ABCB5: variants seen among roughly 807,000 people sequenced by gnomAD.
The protein encoded by ABCB5 is ATP-binding cassette sub-family B member 5.
In ABCB5, 155 loss-of-function variants were observed where a neutral mutation model predicts 144.2. The observed-to-expected ratio is 1.08, with a 90% CI of 0.94 to 1.23. The LOEUF is 1.23. ABCB5 is among the 50% of genes most tolerant of loss of function. The probability of loss-of-function intolerance (pLI) is 0.00; values close to 1 mark genes in which losing one functional copy is unlikely to be tolerated. For missense variants in ABCB5, 1,830 were observed against 1,520.8 expected, an observed-to-expected ratio of 1.20 and a Z score of -3.38; for synonymous variants, 610 against 528.6, an observed-to-expected ratio of 1.15 and a Z score of -2.11.
intron 20 of ABCB5, among the ~76,000 whole-genome samples, chr7:20,716,272 A>G (rs1781672280): frequency 6.6e-6 from 1 of 151,836 alleles, no homozygotes; most frequent in African/African-American, 2.4e-5. Context: ...CAAGGTCTAC[A>G]AAACATAACC....
intron 13 of ABCB5, among the ~76,000 whole-genome samples, chr7:20,655,432 C>T (rs1397252517): frequency 6.6e-6 from 1 of 152,110 alleles, no homozygotes; most frequent in Non-Finnish European, 1.5e-5. Context: ...GAGATAGCAC[C>T]ACTGCACTCC....
intron 5 of ABCB5, 25 bp downstream of exon 5, chr7:20,632,138 T>C: frequency 2.8e-6 from 4 of 1,440,164 alleles, no homozygotes; most frequent in Non-Finnish European, 3.7e-6. Flanking sequence ...AACGTTAATA[T>C]CACATTCGTT....
intron 14 of ABCB5, among the ~76,000 whole-genome samples, chr7:20,681,088 CTTTCTTTCTTTCTTTCTTTCTTTCTTT>C (rs200477755): frequency 0.16 from 3,100 of 19,728 alleles, 347 homozygotes; most frequent in East Asian, 0.32. Context: ...TTCTTTCTTT[CTTTCTTTCTTTCTTTCTTTCTTTCTTT>C]CTTTCTTTCT....
chr7:20,658,040 T>C (rs919350344), intron 13 of ABCB5, among the ~76,000 whole-genome samples: 2 of 152,126 alleles, frequency 1.3e-5, no homozygotes, highest in African/African-American at 2.4e-5. Flanking sequence ...AAAAAACGTT[T>C]TAGGGGAAAG....
chr7:20,702,728 C>G (rs1262575760), intron 19 of ABCB5, among the ~76,000 whole-genome samples: 1 of 143,074 alleles, frequency 7.0e-6, no homozygotes, highest in Non-Finnish European at 1.5e-5. Flanking sequence ...ATGGCGTGAT[C>G]TCGGCTCACT....
At chr7:20,658,800 A>T (rs899204856) in intron 14 of ABCB5, 124 bp downstream of exon 14, 2 of 1,199,648 alleles carry the variant, frequency 1.7e-6, no homozygotes, top group African/African-American at 1.5e-5. Flanking sequence ...TAAAGGCAGG[A>T]TGTTAATCCA....
At chr7:20,712,384 G>A (rs77036336) in intron 20 of ABCB5, among the ~76,000 whole-genome samples, 1,745 of 148,702 alleles carry the variant, frequency 0.012, 129 homozygotes, top group African/African-American at 0.041. Context: ...GAAGTTCACT[G>A]AAATTCTTAG....
At chr7:20,657,609 G>A (rs1784850794) in intron 13 of ABCB5, among the ~76,000 whole-genome samples, 1 of 152,182 alleles carries the variant, frequency 6.6e-6, no homozygotes, top group South Asian at 2.1e-4. Context: ...GGTATCTGCA[G>A]GCATGGTATG....
intron 27 of ABCB5, among the ~76,000 whole-genome samples, chr7:20,754,423 T>C (rs927115048): frequency 2.0e-5 from 3 of 152,242 alleles, no homozygotes; most frequent in Admixed American, 1.3e-4. Flanking sequence ...AGTATGACCT[T>C]GGTCTAACCT....
chr7:20,646,805 C>A (rs894465656), intron 9 of ABCB5, among the ~76,000 whole-genome samples: 3 of 152,188 alleles, frequency 2.0e-5, no homozygotes, highest in Non-Finnish European at 4.4e-5. Context: ...GATTTCTCTT[C>A]TTTCCATTAA....
At chr7:20,650,851 G>C (rs1784561161) in intron 12 of ABCB5, among the ~76,000 whole-genome samples, 1 of 152,144 alleles carries the variant, frequency 6.6e-6, no homozygotes, top group Admixed American at 6.5e-5. Context: ...TCCATGCCCT[G>C]ACAGAAAACA....
intron 9 of ABCB5, among the ~76,000 whole-genome samples, chr7:20,646,495 C>A (rs1452216766): frequency 6.6e-6 from 1 of 152,166 alleles, no homozygotes; most frequent in Non-Finnish European, 1.5e-5. Flanking sequence ...CGGAGTTCTG[C>A]ATTCACCTTG....
intron 26 of ABCB5, among the ~76,000 whole-genome samples, chr7:20,747,214 G>T (rs1045225236): frequency 6.6e-6 from 1 of 152,152 alleles, no homozygotes; most frequent in African/African-American, 2.4e-5. Flanking sequence ...GCATAATCTC[G>T]ATAGTTTGTT....
At chr7:20,715,007 AGCAT>A (rs925279495) in intron 20 of ABCB5, among the ~76,000 whole-genome samples, 2 of 151,990 alleles carry the variant, frequency 1.3e-5, no homozygotes, top group Non-Finnish European at 2.9e-5. Flanking sequence ...TACAATGCTC[AGCAT>A]GCTTTTTGTC....
intron 20 of ABCB5, among the ~76,000 whole-genome samples, chr7:20,718,519 G>A (rs1781761180): frequency 6.6e-6 from 1 of 152,106 alleles, no homozygotes. Flanking sequence ...TTCCTTAGAT[G>A]TTTTAGTGAG....
At position 20,745,383 on chromosome 7, in the gene ABCB5, T is replaced by C. The variant is rs376528064; in HGVS notation, c.3374T>C (p.Ile1125Thr). Residue 1125 changes from isoleucine to threonine, a missense_variant, in exon 26 of 28, where the codon ATC becomes ACC. By Grantham distance (89) the Ile-to-Thr change is moderately conservative. Transcript: ENST00000404938. The stretch of plus-strand genomic sequence containing the variant: ...AGCCGTGTGGTGCCATTAGATGAGA[T>C]CAAAGAAGCCGCAAATGCAGCAAAT... ...DNSRVVPLDE[I>T]KEAANAANIH... 10 of 1,614,016 alleles carry C rather than the reference T, an allele frequency of 6.2e-6. No individual in the cohort carries two copies. In the South Asian group the frequency reaches 1.1e-4, roughly 18 times the overall value.
chr7:20,697,423 A>G (rs970026266), intron 16 of ABCB5, among the ~76,000 whole-genome samples: 1 of 152,220 alleles, frequency 6.6e-6, no homozygotes, highest in African/African-American at 2.4e-5. Flanking sequence ...GAAATACCAA[A>G]GAATTCACTG....
intron 19 of ABCB5, among the ~76,000 whole-genome samples, chr7:20,703,522 G>A (rs973006765): frequency 6.6e-6 from 1 of 152,214 alleles, no homozygotes; most frequent in Non-Finnish European, 1.5e-5. Flanking sequence ...AACATATGAT[G>A]TGCGTGATTA....
chr7:20,655,174 G>C (rs1784736230), intron 13 of ABCB5, among the ~76,000 whole-genome samples: 1 of 152,062 alleles, frequency 6.6e-6, no homozygotes, highest in African/African-American at 2.4e-5. Context: ...AGGTTAATAA[G>C]GAAATATAAA....
Sources: allele counts gnomAD v4.1 joint callset (sites outside exome capture counted in the v4.1 genomes callset), GRCh38; gene constraint gnomAD v4.1.1; transcripts MANE v1.5; gene names NCBI Gene and HGNC (gene_info 2026-07-23, HGNC 2026-07-21).